The following CTC1 variants were observed in gnomAD, a reference collection of about 807,000 sequenced individuals.
CTC1 encodes CST complex subunit CTC1.
Under a neutral mutation model 136.3 loss-of-function variants are expected in CTC1, and 91 were observed. The observed-to-expected ratio is 0.67, with a 90% confidence interval of 0.56 to 0.79. The LOEUF (loss-of-function observed/expected upper bound fraction) is 0.79. CTC1 is among the 30% of genes least tolerant of loss of function. CTC1 has a pLI of 0.00. For missense variants in CTC1, 1,432 were observed against 1,498.1 expected (o/e 0.96, Z 0.73); for synonymous variants, 606 against 613.8 (o/e 0.99, Z 0.19).
chr17:8,236,108 T>C lies in CTC1; in HGVS notation c.1027A>G (p.Lys343Glu). Reference protein sequence around the residue: ...PLPMPSNSEDKKDPESLVRYS... With the variant: ...PLPMPSNSEDEKDPESLVRYS... ...CGGACAAGACTTTCTGGATCCTTCTTGTCCTCCGAGTTGCTGGGCATGGGG... is the reference window on the plus strand; with the variant it reads ...CGGACAAGACTTTCTGGATCCTTCTCGTCCTCCGAGTTGCTGGGCATGGGG... The change falls in exon 6 of 23, where the codon AAG becomes GAG. Residue 343 changes from lysine to glutamate, a missense_variant. Transcript: ENST00000651323. 1 of 1,614,250 alleles carries C rather than the reference T, an allele frequency of 6.2e-7. No homozygotes were observed. The highest frequency in any genetic ancestry group is 8.5e-7 in the Non-Finnish European group (1 of 1,180,046).
chr17:8,235,324 G>C, intron 7 of CTC1, 39 bp from the exon 8 acceptor site: 5 of 1,496,870 alleles, frequency 3.3e-6, no homozygotes, highest in Non-Finnish European at 4.6e-6. Context: ...CAGAGATGAA[G>C]ACCCCAACTC....
At position 8,226,605 on chromosome 17, in the gene CTC1, T is replaced by C. The variant is rs1013184422; in HGVS notation, c.*1575A>G. On this transcript the variant is annotated 3_prime_UTR_variant, in exon 23 of 23. Coordinates refer to ENST00000651323, the MANE Select transcript of CTC1 (RefSeq NM_025099.6). ...ATGGTCAGTATGCTGAAGAAAAAAA[T>C]ATGACGTAGTCGGCAGGATTCGAAC... 3.5e-4 allele frequency: 53 copies of C among 151,744 alleles called. No individual in the cohort carries two copies. Among genetic ancestry groups the C allele is most frequent in the African/African-American group, 9.2e-4 (38 of 41,114 alleles). The allele number at this position is 151,744 out of a possible 1,614,324, so 9.4% of individuals were successfully genotyped here. A position where few individuals can be genotyped will look rare whatever the true frequency, so the allele number is the denominator to read the frequency against.
intron 4 of CTC1, 125 bp downstream of exon 4, chr17:8,237,906 A>G: frequency 1.3e-6 from 1 of 758,630 alleles, no homozygotes; most frequent in East Asian, 2.6e-5. Flanking sequence ...AAAGCCCACC[A>G]TTCCCTTGAT....
In CTC1 at chr17:8,226,373, C is replaced by T. The variant is rs3027251; in HGVS notation, c.*1807G>A. 1 of 152,094 alleles carries T rather than the reference C, an allele frequency of 6.6e-6. No individual in the cohort carries two copies. The highest frequency in any genetic ancestry group is 1.5e-5 in the Non-Finnish European group (1 of 68,030). 9.4% of individuals were successfully genotyped at this position (152,094 alleles called of 1,614,324 possible). On this transcript the variant is annotated 3_prime_UTR_variant, in exon 23 of 23. Coordinates refer to ENST00000651323, the MANE Select transcript of CTC1 (RefSeq NM_025099.6). ...TATAGAGCTAGGAACCCGGACCGAG[C>T]TTTTTCAGATCTTTCTAGAACTAAT...
At chr17:8,230,972 A>G in intron 15 of CTC1, 1 of 472,614 alleles carries the variant, frequency 2.1e-6, no homozygotes, top group South Asian at 2.9e-5. Context: ...CCCTGTCTCT[A>G]CTAAAAATAC....
In CTC1 at chr17:8,228,545, A is replaced by C. The variant is rs1348570656; in HGVS notation, c.3472T>G (p.Ser1158Ala). The C allele has an allele frequency of 4.3e-6, 7 of 1,614,202 alleles. No individual in the cohort carries two copies. The highest frequency in any genetic ancestry group is 2.2e-5 in the South Asian group (2 of 91,090). The change falls in exon 22 of 23, where the codon TCT becomes GCT. Residue 1158 changes from serine to alanine, a missense_variant. Coordinates refer to ENST00000651323, the MANE Select transcript of CTC1 (RefSeq NM_025099.6). Reference protein sequence around the residue: ...SPSVLRPIVLSFELERKPSKI... With the variant: ...SPSVLRPIVLAFELERKPSKI... ...GACGGTTTCCTTTCCAGCTCAAAAGAAAGCACAATAGGACGGAGGACAGAG... is the reference window on the plus strand; with the variant it reads ...GACGGTTTCCTTTCCAGCTCAAAAGCAAGCACAATAGGACGGAGGACAGAG...
chr17:8,230,902 T>C, intron 15 of CTC1: 1 of 525,016 alleles, frequency 1.9e-6, no homozygotes. Context: ...TTTGGGAGGC[T>C]GAGGTGGGAG....
At chr17:8,232,714 T>C (rs1290687305) in intron 11 of CTC1, 192 bp downstream of exon 11, 1 of 750,140 alleles carries the variant, frequency 1.3e-6, no homozygotes, top group East Asian at 2.5e-5. Context: ...GAGAAATGCA[T>C]GCTGGAAATT....
In CTC1 at chr17:8,238,514, G is replaced by A. The variant is rs375151194; in HGVS notation, c.313C>T (p.Pro105Ser). 3 of 1,614,052 alleles carry A rather than the reference G, an allele frequency of 1.9e-6. No individual in the cohort carries two copies. Among genetic ancestry groups the A allele is most frequent in the African/African-American group, 1.3e-5 (1 of 74,926 alleles). The change falls in exon 3 of 23, where the codon CCC (proline) becomes TCC (serine). Residue 105 changes from proline to serine, a missense_variant. Coordinates refer to ENST00000651323, the MANE Select transcript of CTC1 (RefSeq NM_025099.6). ...WAQEAGPNGN[P>S]LPREQLLLLG... ...AGTAACAGCTGCTCTCGGGGCAGGG[G>A]GTTCCCATTTGGTCCAGCCTCTTGG...
chr17:8,243,179 T>G (rs747259116), intron 1 of CTC1, 31 bp from the exon 2 acceptor site: 1 of 1,597,986 alleles, frequency 6.3e-7, no homozygotes, highest in Admixed American at 1.7e-5. Flanking sequence ...TAAAACATCT[T>G]GACTATCCGG....
In CTC1 at chr17:8,237,493, T is replaced by G; in HGVS notation, c.674A>C (p.Asn225Thr). Residue 225 changes from asparagine to threonine, a missense_variant, in exon 5 of 23, where the codon AAC becomes ACC. Physicochemically the swap from Asn to Thr is moderately conservative, Grantham distance 65 (BLOSUM62 0). Transcript: ENST00000651323. ...LRNKLRGVQRNLAGSLVRLSA... is the reference protein window; with the variant it reads ...LRNKLRGVQRTLAGSLVRLSA... ...CAATCGAACTAGACTCCCAGCCAGG[T>G]TTCGCTGCACACCTCTGAGCTTGTT... The G allele has an allele frequency of 6.2e-7, 1 of 1,613,804 alleles. No homozygotes were observed. The highest frequency in any genetic ancestry group is 8.5e-7 in the Non-Finnish European group (1 of 1,179,922).
At chr17:8,238,713 G>C in intron 2 of CTC1, 84 bp from the exon 3 acceptor site, 1 of 1,002,210 alleles carries the variant, frequency 1.0e-6, no homozygotes, top group Non-Finnish European at 1.5e-6. Context: ...ACCCTCAAGA[G>C]CCCAGGGAAA....
At chr17:8,247,711 G>A in intron 1 of CTC1, 1 of 400,038 alleles carries the variant, frequency 2.5e-6, no homozygotes, top group South Asian at 3.1e-5. Context: ...GTCTTCTCCA[G>A]GAACCCACAG....
In CTC1 at chr17:8,248,028, A is replaced by C; in HGVS notation, c.9T>G (p.Ala3=). ...CGGAGGAAGGGACCTGGGCCCGGCC[A>C]GCCGCCATGATGCGCCGGAGCTCCG... The part of the protein sequence containing the change: MA[A]GRAQVPSSEQ... The change falls in exon 1 of 23, where the codon GCT becomes GCG. Residue 3 remains alanine (A), a synonymous_variant. Transcript: ENST00000651323. The C allele has an allele frequency of 1.4e-6, 2 of 1,413,432 alleles. No individual in the cohort carries two copies. 87.6% of individuals were successfully genotyped at this position (1,413,432 alleles called of 1,614,324 possible).
intron 15 of CTC1, 121 bp downstream of exon 15, chr17:8,231,154 CA>C (rs1458632680): frequency 2.3e-6 from 2 of 854,180 alleles, no homozygotes; most frequent in Non-Finnish European, 3.5e-6. Flanking sequence ...AAAAAACAAA[CA>C]AAAACAACAA....
At position 8,228,976 on chromosome 17, in the gene CTC1, G is replaced by A. The variant is rs1348038046; in HGVS notation, c.3222-84C>T. On this transcript the variant is annotated intron_variant, in intron 20 of 22. Coordinates refer to ENST00000651323, the MANE Select transcript of CTC1 (RefSeq NM_025099.6). The stretch of plus-strand genomic sequence containing the variant: ...GACCCAACATGCCTCCCTCCCCGCT[G>A]TCTGCAGTCTTTGGCTCACAGATTT... The A allele has an allele frequency of 4.0e-6, 6 of 1,508,460 alleles. No homozygotes were observed. The African/African-American group carries it at 5.6e-5, about 14-fold the overall frequency. 93.4% of individuals were successfully genotyped at this position (1,508,460 alleles called of 1,614,324 possible).
At position 8,234,731 on chromosome 17, in the gene CTC1, TC is replaced by T; in HGVS notation, c.1617+17del. On this transcript the variant is annotated intron_variant, in intron 9 of 22. Transcript: ENST00000651323. ...TCCTCCAGTGTTCTGCCACCATCCT[TC>T]CCCCACATCCTCATACTTTCTGGAG... 1 of 1,579,440 alleles carries T rather than the reference TC, an allele frequency of 6.3e-7. No homozygotes were observed.
chr17:8,235,850 C>A lies in CTC1; in HGVS notation c.1187G>T (p.Arg396Leu). The A allele has an allele frequency of 6.2e-7, 1 of 1,612,582 alleles. No individual in the cohort carries two copies. Among genetic ancestry groups the A allele is most frequent in the South Asian group, 1.1e-5 (1 of 90,934 alleles). The change falls in exon 7 of 23, where the codon CGA becomes CTA. Residue 396 changes from arginine to leucine, a missense_variant. Arg to Leu is a moderately radical substitution (Grantham distance 102, BLOSUM62 -2). Transcript: ENST00000651323. ...ACATACCTGCAGACACACTCCAGGT[C>A]GCATCACCCGCCTAAGGCCACGGAA... ...QQFRGLRRVM[R>L]PGVCLQLQDV...
chr17:8,234,335 G>C (rs904506858), intron 10 of CTC1, 120 bp downstream of exon 10: 2 of 953,134 alleles, frequency 2.1e-6, no homozygotes, highest in Non-Finnish European at 3.3e-6. Flanking sequence ...AGATGAAGTG[G>C]TCTGCTTAGA....
Sources: gnomAD v4.1 joint callset for allele counts on GRCh38, gnomAD v4.1.1 for gene constraint, MANE v1.5 for transcripts, NCBI Gene and HGNC (gene_info 2026-07-23, HGNC 2026-07-21) for gene names.